TEX14: variants seen among roughly 807,000 people sequenced by gnomAD.
TEX14 encodes inactive serine/threonine-protein kinase TEX14.
In TEX14, 168 loss-of-function variants were observed where a neutral mutation model predicts 178.6. The ratio of observed to expected loss-of-function variants is 0.94; its 90% CI spans 0.83 to 1.07. TEX14 has a LOEUF of 1.07. Ranked by LOEUF, TEX14 falls within the 50% of genes least tolerant of loss-of-function variation. The pLI is 0.00. For synonymous variants in TEX14, 626 were observed against 634.1 expected (o/e 0.99, Z 0.19); for missense variants, 1,730 against 1,753.6 (o/e 0.99, Z 0.24).
chr17:58,564,926 T>G lies in TEX14; in HGVS notation c.4007A>C (p.Glu1336Ala). 6.2e-7 allele frequency: 1 copy of G among 1,610,588 alleles called. No individual in the cohort carries two copies. Among genetic ancestry groups the G allele is most frequent in the East Asian group, 2.2e-5 (1 of 44,794 alleles). Residue 1336 changes from glutamate to alanine, a missense_variant, in exon 28 of 32, where the codon GAA becomes GCA. Around this residue, in one of 2 missense-constraint regions of TEX14, gnomAD observed 941 missense variants for 1,072.4 expected, o/e 0.88. Coordinates refer to ENST00000349033, the MANE Select transcript of TEX14 (RefSeq NM_031272.5). ...TTTGGACAAAAGCATACTACTATCT[T>G]CTTTTTTACTGTCAGTTTCTTGTTC... is the stretch of plus-strand genomic sequence containing the variant. Reference protein sequence around the residue: ...LEEQETDSKKEDSSMLLSKET... With the variant: ...LEEQETDSKKADSSMLLSKET...
chr17:58,669,220 T>C (rs953424620), intron 1 of TEX14, among the ~76,000 whole-genome samples: 10 of 151,534 alleles, frequency 6.6e-5, no homozygotes, highest in Admixed American at 2.0e-4. Context: ...GGTATGGTGG[T>C]ACACGCCTCT....
chr17:58,576,223 C>A (rs572045908), intron 21 of TEX14, among the ~76,000 whole-genome samples: 1 of 152,210 alleles, frequency 6.6e-6, no homozygotes, highest in East Asian at 1.9e-4. Context: ...CGGTGGCTCA[C>A]GCCTGTAATC....
At chr17:58,630,606 G>A (rs767542268) in intron 2 of TEX14, 52 bp from the exon 3 acceptor site, 3 of 1,294,094 alleles carry the variant, frequency 2.3e-6, no homozygotes, top group South Asian at 1.2e-5. Context: ...TTCCTGAGAA[G>A]GAACTGGGTA....
intron 1 of TEX14, among the ~76,000 whole-genome samples, chr17:58,659,077 C>T (rs1033944742): frequency 1.8e-4 from 20 of 113,106 alleles, no homozygotes; most frequent in African/African-American, 8.9e-4. Context: ...CAAACGCGCG[C>T]CACTACAACA....
At chr17:58,570,515 C>T in intron 24 of TEX14, 31 bp from the exon 25 acceptor site, 1 of 1,465,206 alleles carries the variant, frequency 6.8e-7, no homozygotes, top group South Asian at 1.4e-5. Flanking sequence ...TGGTAACTGT[C>T]ATGTGTGTTG....
Position 58,577,454 on chromosome 17 carries a change from C to A in TEX14, c.3241G>T (p.Glu1081Ter), listed in dbSNP as rs757297014. Residue 1081 changes from glutamate to a stop codon, truncating the protein, a stop_gained and splice_region_variant, in exon 21 of 32, where the codon GAG becomes TAG. Transcript: ENST00000349033. LOFTEE classifies it high-confidence loss of function. ...ATTTTTCTCATTTGGAACTTTTCCT[C>A]ACCTGAAAGAATAAAGTTAAAAATA... ...GAFAQPQVSG[E>*]EKFQMRKILG... 2 of 1,382,306 alleles carry A rather than the reference C, an allele frequency of 1.4e-6. No homozygotes were observed. The highest frequency in any genetic ancestry group is 2.0e-6 in the Non-Finnish European group (2 of 1,024,038). The allele number at this position is 1,382,306 out of a possible 1,614,324, so 85.6% of individuals were successfully genotyped here.
chr17:58,660,102 G>C (rs1008617754), intron 1 of TEX14, among the ~76,000 whole-genome samples: 19 of 150,722 alleles, frequency 1.3e-4, no homozygotes, highest in African/African-American at 4.6e-4. Flanking sequence ...ACAAATACAC[G>C]CTTAATAATT....
intron 10 of TEX14, among the ~76,000 whole-genome samples, chr17:58,605,625 C>T (rs1385587303): frequency 6.6e-6 from 1 of 152,214 alleles, no homozygotes; most frequent in African/African-American, 2.4e-5. Flanking sequence ...GTCACAGGGA[C>T]CTTCTTTCAG....
intron 1 of TEX14, among the ~76,000 whole-genome samples, chr17:58,657,340 T>A (rs1001601886): frequency 6.6e-6 from 1 of 151,604 alleles, no homozygotes; most frequent in African/African-American, 2.4e-5. Context: ...TGTCAGGGGG[T>A]GGAATCCTGA....
rs151196023 is a variant in TEX14, at chr17:58,580,756, C to T, written c.3172-1025G>A. Among the ~76,000 whole-genome samples, 21 of 152,198 alleles carry T rather than the reference C, an allele frequency of 1.4e-4. No individual in the cohort carries two copies. The East Asian group carries it at 4.1e-3, about 29-fold the overall frequency. ...TGGAAAATAAGTAAATAAGAGAATT[C>T]ATCAAAATTCATTTTACAAATGAAA... On this transcript the variant is annotated intron_variant, in intron 19 of 31. Transcript: ENST00000349033.
intron 24 of TEX14, among the ~76,000 whole-genome samples, chr17:58,571,123 G>T (rs1342906646): frequency 1.3e-5 from 2 of 151,958 alleles, no homozygotes; most frequent in Non-Finnish European, 2.9e-5. Context: ...ACGGTTAAAT[G>T]AACACATAAA....
intron 23 of TEX14, among the ~76,000 whole-genome samples, chr17:58,572,632 TA>T (rs1313175015): frequency 6.6e-3 from 874 of 131,546 alleles, no homozygotes; most frequent in African/African-American, 8.1e-3. Flanking sequence ...ACTCTGTCTT[TA>T]AAAAAAAAAA....
At chr17:58,579,766 G>A in intron 19 of TEX14, 35 bp from the exon 20 acceptor site, 1 of 1,508,716 alleles carries the variant, frequency 6.6e-7, no homozygotes, top group Non-Finnish European at 9.2e-7. Context: ...AAGAAAGGAG[G>A]TTCACTGGAG....
intron 9 of TEX14, among the ~76,000 whole-genome samples, chr17:58,612,735 CAAAAAAAAAAA>C (rs35618114): frequency 1.0e-5 from 1 of 97,100 alleles, no homozygotes; most frequent in Non-Finnish European, 2.0e-5. Flanking sequence ...ACTCTTGTCT[CAAAAAAAAAAA>C]AAAAAAAAAA....
At chr17:58,621,815 C>T (rs770734322) in intron 4 of TEX14, 29 bp from the exon 5 acceptor site, 15 of 1,595,764 alleles carry the variant, frequency 9.4e-6, no homozygotes, top group Middle Eastern at 1.7e-4. Context: ...ATGCCCAGTG[C>T]GGGCGCACCA....
At chr17:58,624,784 T>A (rs1044705167) in intron 3 of TEX14, among the ~76,000 whole-genome samples, 1 of 152,204 alleles carries the variant, frequency 6.6e-6, no homozygotes, top group Non-Finnish European at 1.5e-5. Context: ...AGTATGCCAA[T>A]GAATGGGTGT....
intron 1 of TEX14, among the ~76,000 whole-genome samples, chr17:58,654,284 A>C (rs1227745752): frequency 6.6e-6 from 1 of 152,132 alleles, no homozygotes; most frequent in Admixed American, 6.5e-5. Flanking sequence ...CTCAGGCCCT[A>C]AAGTCTGATC....
chr17:58,679,162 A>AG (rs1259478821), intron 1 of TEX14, among the ~76,000 whole-genome samples: 1 of 152,148 alleles, frequency 6.6e-6, no homozygotes, highest in Non-Finnish European at 1.5e-5. Flanking sequence ...CTCCAAGAAA[A>AG]GAAAAAAAAC....
intron 3 of TEX14, 114 bp downstream of exon 3, chr17:58,630,326 G>A (rs889271674): frequency 3.0e-5 from 22 of 739,132 alleles, no homozygotes; most frequent in Non-Finnish European, 4.6e-5. Flanking sequence ...AAAGTGCTGG[G>A]ATTATAGGTA....
Sources: gnomAD v4.1 joint callset for allele counts (sites outside exome capture counted in the v4.1 genomes callset) on GRCh38, gnomAD v4.1.1 for gene constraint, gnomAD v4.1.1 regional missense constraint, MANE v1.5 for transcripts, NCBI Gene and HGNC (gene_info 2026-07-23, HGNC 2026-07-21) for gene names.